Variants in PLPPR1 observed in about 807,000 individuals in gnomAD.
PLPPR1 encodes the protein phospholipid phosphatase-related protein type 1.
PLPPR1 carries 10 observed loss-of-function variants against 33.1 expected under a neutral mutation model. That is an observed-to-expected ratio of 0.30 (90% CI 0.19 to 0.51). The LOEUF is 0.51. Ranked by LOEUF, PLPPR1 falls within the 20% of genes least tolerant of loss-of-function variation. The pLI, the probability that PLPPR1 is intolerant of heterozygous loss-of-function variation, is 0.97. For missense variants in PLPPR1, 304 were observed against 408.1 expected (o/e 0.74, Z 2.20); for synonymous variants, 151 against 151.0 (o/e 1.00, Z 0.00).
intron 4 of PLPPR1, among the ~76,000 whole-genome samples, chr9:101,296,568 C>T (rs1262559121): frequency 1.3e-5 from 2 of 152,098 alleles, no homozygotes; most frequent in African/African-American, 2.4e-5. Context: ...AACAGTGATC[C>T]ACTGGATAAC....
intron 7 of PLPPR1, among the ~76,000 whole-genome samples, chr9:101,320,580 CA>C (rs1829134049): frequency 6.6e-6 from 1 of 152,098 alleles, no homozygotes; most frequent in Admixed American, 6.5e-5. Context: ...AGAATGAAGC[CA>C]CAGAAAGCTA....
At chr9:101,073,336 G>T (rs1306469869) in intron 1 of PLPPR1, among the ~76,000 whole-genome samples, 1 of 151,990 alleles carries the variant, frequency 6.6e-6, no homozygotes, top group East Asian at 1.9e-4. Context: ...ATAGTGAGGG[G>T]TGTTATGCAA....
At chr9:101,053,697 A>G (rs1323051985) in intron 1 of PLPPR1, among the ~76,000 whole-genome samples, 1 of 152,208 alleles carries the variant, frequency 6.6e-6, no homozygotes, top group Non-Finnish European at 1.5e-5. Flanking sequence ...ATACAAAGAA[A>G]GTACTTCTGT....
At chr9:101,226,571 C>T (rs950962861) in intron 2 of PLPPR1, among the ~76,000 whole-genome samples, 5 of 152,160 alleles carry the variant, frequency 3.3e-5, no homozygotes, top group Non-Finnish European at 5.9e-5. Flanking sequence ...ACTGTCTTCT[C>T]CTTGTGTTCT....
intron 2 of PLPPR1, among the ~76,000 whole-genome samples, chr9:101,212,741 G>C (rs1826713215): frequency 6.6e-6 from 1 of 152,086 alleles, no homozygotes; most frequent in African/African-American, 2.4e-5. Context: ...CTTTGAATAT[G>C]GTAGACATAT....
intron 2 of PLPPR1, among the ~76,000 whole-genome samples, chr9:101,260,131 A>T (rs768765114): frequency 1.3e-5 from 2 of 152,096 alleles, no homozygotes; most frequent in Non-Finnish European, 2.9e-5. Context: ...CAGCTCTCTC[A>T]TGTCTCCTAA....
intron 1 of PLPPR1, among the ~76,000 whole-genome samples, chr9:101,155,408 A>G (rs894741046): frequency 6.6e-6 from 1 of 152,160 alleles, no homozygotes; most frequent in African/African-American, 2.4e-5. Context: ...GTGTCATCGC[A>G]TGAGGAAGGG....
chr9:101,091,812 T>G (rs913740457), intron 1 of PLPPR1, among the ~76,000 whole-genome samples: 14 of 152,236 alleles, frequency 9.2e-5, no homozygotes, highest in African/African-American at 3.1e-4. Context: ...CTCTTAAATA[T>G]ATCTCAACCA....
At chr9:101,169,450 T>G (rs1440374822) in intron 1 of PLPPR1, among the ~76,000 whole-genome samples, 1 of 152,176 alleles carries the variant, frequency 6.6e-6, no homozygotes, top group Admixed American at 6.6e-5. Flanking sequence ...GTTTTCCTAC[T>G]TAGCAGTTCT....
chr9:101,082,565 T>C (rs1830634084), intron 1 of PLPPR1, among the ~76,000 whole-genome samples: 1 of 152,240 alleles, frequency 6.6e-6, no homozygotes, highest in Non-Finnish European at 1.5e-5. Flanking sequence ...ATTGGATATA[T>C]GTTTAACTGC....
intron 2 of PLPPR1, among the ~76,000 whole-genome samples, chr9:101,223,614 T>C (rs1027229004): frequency 2.6e-5 from 4 of 152,140 alleles, no homozygotes; most frequent in Non-Finnish European, 5.9e-5. Flanking sequence ...CATGCTGTTC[T>C]CATGGTAGTG....
intron 1 of PLPPR1, among the ~76,000 whole-genome samples, chr9:101,095,789 G>A (rs915061656): frequency 1.3e-5 from 2 of 152,140 alleles, no homozygotes; most frequent in African/African-American, 2.4e-5. Context: ...GGGACACACA[G>A]AGAAGTATTT....
chr9:101,283,285 G>T (rs577606656), intron 3 of PLPPR1, among the ~76,000 whole-genome samples: 1 of 152,212 alleles, frequency 6.6e-6, no homozygotes, highest in Middle Eastern at 3.4e-3. Context: ...AAGGCTATTA[G>T]TAACCAAAAC....
In PLPPR1 at chr9:101,116,420, A is replaced by G. The variant is rs115158612; in HGVS notation, c.-45-69030A>G. 3.3e-3 allele frequency among the ~76,000 whole-genome samples: 506 copies of G among 152,312 alleles called. 2 individuals are homozygous for G. Among genetic ancestry groups the G allele is most frequent in the Non-Finnish European group, 5.8e-3 (394 of 68,020 alleles). On this transcript the variant is annotated intron_variant, in intron 1 of 7. Coordinates refer to ENST00000374874, the MANE Select transcript of PLPPR1 (RefSeq NM_207299.2). ...AGCGGTCCCATATCAGCTTGGTTCCATCAGTTGCCCAGTTCATGGAAAGCC... is the reference window on the plus strand; with the variant it reads ...AGCGGTCCCATATCAGCTTGGTTCCGTCAGTTGCCCAGTTCATGGAAAGCC...
chr9:101,310,995 A>C (rs1041364325), intron 5 of PLPPR1, among the ~76,000 whole-genome samples: 1 of 152,194 alleles, frequency 6.6e-6, no homozygotes, highest in Non-Finnish European at 1.5e-5. Flanking sequence ...TTAAACAAAT[A>C]AAGCCCTCTG....
chr9:101,270,013 G>A lies in PLPPR1; in HGVS notation c.197G>A (p.Ser66Asn). Residue 66 changes from serine to asparagine, a missense_variant, in exon 3 of 8, where the codon AGC becomes AAC. Ser to Asn is a conservative substitution (Grantham distance 46). Coordinates refer to ENST00000374874, the MANE Select transcript of PLPPR1 (RefSeq NM_207299.2). ...MKPYPGTEEESFITPLVLYCV... is the reference protein window; with the variant it reads ...MKPYPGTEEENFITPLVLYCV... ...CCTTACCCAGGGACAGAGGAAGAAA[G>A]CTTCATCACCCCTCTGGTGCTCTAT... is the stretch of plus-strand genomic sequence containing the variant. 1 of 1,614,202 alleles carries A rather than the reference G, an allele frequency of 6.2e-7. No homozygotes were observed. The highest frequency in any genetic ancestry group is 1.3e-5 in the African/African-American group (1 of 75,064).
chr9:101,119,061 G>C lies in PLPPR1; in HGVS notation c.-45-66389G>C, dbSNP rs537010632. The stretch of plus-strand genomic sequence containing the variant: ...CTCCAATACTAAAATCAAGCCCCTG[G>C]GAATGGGCCAGCCAAATTGGACATG... On this transcript the variant is annotated intron_variant, in intron 1 of 7. Coordinates refer to ENST00000374874, the MANE Select transcript of PLPPR1 (RefSeq NM_207299.2). Among the ~76,000 whole-genome samples the C allele has an allele frequency of 9.9e-5, 15 of 152,264 alleles. No individual in the cohort carries two copies. The South Asian group carries it at 3.1e-3, about 32-fold the overall frequency.
At chr9:101,230,976 G>T (rs972510101) in intron 2 of PLPPR1, among the ~76,000 whole-genome samples, 1 of 152,040 alleles carries the variant, frequency 6.6e-6, no homozygotes, top group Middle Eastern at 3.4e-3. Context: ...GAATCTAGCT[G>T]TCTGGCCAGA....
At chr9:101,230,458 A>C (rs1827158840) in intron 2 of PLPPR1, among the ~76,000 whole-genome samples, 1 of 152,152 alleles carries the variant, frequency 6.6e-6, no homozygotes, top group Non-Finnish European at 1.5e-5. Context: ...CCAAGTTTGC[A>C]AGAAAAACTA....
Sources: gnomAD v4.1 joint callset for allele counts (sites outside exome capture counted in the v4.1 genomes callset) on GRCh38, gnomAD v4.1.1 for gene constraint, MANE v1.5 for transcripts, NCBI Gene and HGNC (gene_info 2026-07-23, HGNC 2026-07-21) for gene names.